MAN2C1: variants seen among roughly 807,000 people sequenced by gnomAD.
The protein encoded by MAN2C1 is alpha-mannosidase 2C1.
Under a neutral mutation model 126.9 loss-of-function variants are expected in MAN2C1, and 111 were observed. The ratio of observed to expected loss-of-function variants is 0.87; its 90% CI spans 0.75 to 1.02. The LOEUF (loss-of-function observed/expected upper bound fraction) is 1.02. MAN2C1 is among the 50% of genes least tolerant of loss of function. The pLI is 0.00. For missense variants in MAN2C1, 1,363 were observed against 1,364.4 expected (o/e 1.00, Z 0.02); for synonymous variants, 567 against 561.5 (o/e 1.01, Z -0.14).
rs756627433 is a variant in MAN2C1, at chr15:75,358,571, C to T, written c.2294G>A (p.Gly765Asp). ...QAGTLAVGTE[G>D]GLRGSAWFLL... is the part of the protein sequence containing the mutation. Reference sequence around the variant, plus strand: ...GAACCAGGCGCTGCCCCGCAGGCCGCCCTCGGTGCCCACTGCCAGGGTCCC... The same window carrying T: ...GAACCAGGCGCTGCCCCGCAGGCCGTCCTCGGTGCCCACTGCCAGGGTCCC... The change falls in exon 20 of 26, where the codon GGC becomes GAC. Residue 765 changes from glycine (G) to aspartate (D), a missense_variant. By Grantham distance (94) the Gly-to-Asp change is moderately conservative. Transcript: ENST00000267978. 6.2e-7 allele frequency: 1 copy of T among 1,613,374 alleles called. No individual in the cohort carries two copies. The highest frequency in any genetic ancestry group is 1.1e-5 in the South Asian group (1 of 91,086).
In MAN2C1 at chr15:75,356,671, T is replaced by G. The variant is rs769434805; in HGVS notation, c.2672A>C (p.Lys891Thr). Residue 891 changes from lysine to threonine, a missense_variant, in exon 23 of 26, where the codon AAA becomes ACA. Lys to Thr is a moderately conservative substitution (Grantham distance 78). Coordinates refer to ENST00000267978, the MANE Select transcript of MAN2C1 (RefSeq NM_006715.4). The surrounding 1 kb of genome is among the most constrained non-coding windows in gnomAD (Gnocchi z 5.8). ...ILSLSLLRAPKAPDATADTGR... is the reference protein window; with the variant it reads ...ILSLSLLRAPTAPDATADTGR... ...CGTGTCAGCAGTAGCGTCCGGGGCTTTAGGCGCCCGCAAGCTGGGGTGAGG... is the reference window on the plus strand; with the variant it reads ...CGTGTCAGCAGTAGCGTCCGGGGCTGTAGGCGCCCGCAAGCTGGGGTGAGG... The G allele has an allele frequency of 1.3e-6, 2 of 1,589,498 alleles. No homozygotes were observed. Among genetic ancestry groups the G allele is most frequent in the African/African-American group, 1.3e-5 (1 of 74,324 alleles).
Position 75,358,506 on chromosome 15 carries a change from C to A in MAN2C1, c.2359G>T (p.Val787Phe). 6.2e-7 allele frequency: 1 copy of A among 1,613,532 alleles called. No homozygotes were observed. Among genetic ancestry groups the A allele is most frequent in the Non-Finnish European group, 8.5e-7 (1 of 1,180,024 alleles). The change falls in exon 20 of 26, where the codon GTT becomes TTT. Residue 787 changes from valine (V) to phenylalanine (F), a missense_variant. Physicochemically the swap from Val to Phe is conservative, Grantham distance 50. Transcript: ENST00000267978. The part of the protein sequence containing the change: ...ISPNSRLSQE[V>F]VLDVGCPYVR... Reference sequence around the variant, plus strand: ...TAGGGGCAGCCAACGTCCAGCACAACCTCCTGGCTAAGCCGACTGTTGGGG... The same window carrying A: ...TAGGGGCAGCCAACGTCCAGCACAAACTCCTGGCTAAGCCGACTGTTGGGG...
chr15:75,364,145 G>C lies in MAN2C1; in HGVS notation c.644C>G (p.Thr215Arg). The C allele has an allele frequency of 6.2e-7, 1 of 1,614,126 alleles. No homozygotes were observed. Among genetic ancestry groups the C allele is most frequent in the East Asian group, 2.2e-5 (1 of 44,884 alleles). Residue 215 changes from threonine to arginine, a missense_variant, in exon 6 of 26, where the codon ACA becomes AGA. Coordinates refer to ENST00000267978, the MANE Select transcript of MAN2C1 (RefSeq NM_006715.4). ...ACACACGTTCACCATCTGATTGGCT[G>C]TGTACAGGGCCTGGAAGCTGCGCTG... ...DNQRSFQALYTANQMVNVCDP... is the reference protein window; with the variant it reads ...DNQRSFQALYRANQMVNVCDP...
intron 5 of MAN2C1, 149 bp from the exon 6 acceptor site, chr15:75,364,337 C>A (rs776953499): frequency 2.0e-5 from 25 of 1,244,960 alleles, no homozygotes; most frequent in Middle Eastern, 2.7e-4. Context: ...TCCCTCCTCC[C>A]CTTCACATAG....
intron 13 of MAN2C1, 50 bp from the exon 14 acceptor site, chr15:75,360,261 G>C: frequency 6.3e-7 from 1 of 1,594,910 alleles, no homozygotes; most frequent in Non-Finnish European, 8.5e-7. Context: ...GCTGTCCCAG[G>C]ACACCTTCCA....
intron 17 of MAN2C1, 74 bp from the exon 18 acceptor site, chr15:75,359,227 G>A: frequency 1.9e-6 from 2 of 1,061,482 alleles, no homozygotes; most frequent in Non-Finnish European, 2.7e-6. Context: ...CCCAACCCCA[G>A]CCCCGCCTCA....
chr15:75,363,237 C>T (rs1245414404), intron 6 of MAN2C1: 2 of 456,318 alleles, frequency 4.4e-6, no homozygotes, highest in Non-Finnish European at 8.8e-6. Flanking sequence ...CAGAGAAAGC[C>T]CTTGTTCTGT....
chr15:75,358,945 T>C, intron 18 of MAN2C1, 114 bp downstream of exon 18: 1 of 1,497,066 alleles, frequency 6.7e-7, no homozygotes. Flanking sequence ...ATGTGTGGGT[T>C]CCAGCCCAGA....
At position 75,356,567 on chromosome 15, in the gene MAN2C1, C is replaced by T. The variant is rs769067638; in HGVS notation, c.2737+39G>A. The T allele has an allele frequency of 6.4e-7, 1 of 1,551,454 alleles. No individual in the cohort carries two copies. The highest frequency in any genetic ancestry group is 8.7e-7 in the Non-Finnish European group (1 of 1,147,286). ...GGCTCAGGGAAGGGCAGAGAGGTGT[C>T]TAGGGCTGCAGGAAGGCCCCACCGT... On this transcript the variant is annotated intron_variant, in intron 23 of 25. Coordinates refer to ENST00000267978, the MANE Select transcript of MAN2C1 (RefSeq NM_006715.4). The surrounding 1 kb of genome is among the most constrained non-coding windows in gnomAD (Gnocchi z 5.8).
intron 1 of MAN2C1, 99 bp downstream of exon 1, chr15:75,368,384 T>C: frequency 1.4e-6 from 2 of 1,417,536 alleles, no homozygotes; most frequent in South Asian, 2.5e-5. Flanking sequence ...GGGCACTTTG[T>C]CCCGCGGCCC....
At chr15:75,364,241 T>C (rs2072532536) in intron 5 of MAN2C1, 53 bp from the exon 6 acceptor site, 1 of 1,534,180 alleles carries the variant, frequency 6.5e-7, no homozygotes, top group African/African-American at 1.4e-5. Flanking sequence ...CTTCCAGACC[T>C]AGGCTCCACT....
Position 75,364,113 on chromosome 15 carries a change from C to T in MAN2C1, c.676G>A (p.Ala226Thr). 1 of 1,614,202 alleles carries T rather than the reference C, an allele frequency of 6.2e-7. No homozygotes were observed. The highest frequency in any genetic ancestry group is 1.1e-5 in the South Asian group (1 of 91,090). The change falls in exon 6 of 26, where the codon GCC becomes ACC. Residue 226 changes from alanine (A) to threonine (T), a missense_variant. Coordinates refer to ENST00000267978, the MANE Select transcript of MAN2C1 (RefSeq NM_006715.4). ...ANQMVNVCDP[A>T]QPETFPVAQA... ...GCCACTGGGAAGGTCTCGGGCTGGGCAGGGTCACACACGTTCACCATCTGA... is the reference window on the plus strand; with the variant it reads ...GCCACTGGGAAGGTCTCGGGCTGGGTAGGGTCACACACGTTCACCATCTGA...
intron 4 of MAN2C1, chr15:75,366,107 T>C (rs2072570317): frequency 3.2e-6 from 1 of 317,334 alleles, no homozygotes; most frequent in South Asian, 2.5e-5. Flanking sequence ...ACATGAATGC[T>C]GAGATGTTAA....
intron 2 of MAN2C1, 141 bp downstream of exon 2, chr15:75,367,932 G>T: frequency 8.7e-7 from 1 of 1,154,484 alleles, no homozygotes; most frequent in South Asian, 1.6e-5. Flanking sequence ...TCCCAGCAGA[G>T]GGTGCTGCTC....
At chr15:75,368,345 TC>T (rs1189413396) in intron 1 of MAN2C1, 137 bp downstream of exon 1, 1 of 1,395,020 alleles carries the variant, frequency 7.2e-7, no homozygotes, top group Non-Finnish European at 9.7e-7. Flanking sequence ...CCCTACCCCC[TC>T]CTCCCCGGCC....
intron 5 of MAN2C1, 145 bp downstream of exon 5, chr15:75,364,343 C>T (rs1235323307): frequency 1.7e-5 from 21 of 1,256,716 alleles, no homozygotes; most frequent in Admixed American, 5.7e-5. Context: ...CTCCCCTTCA[C>T]ATAGGAAAAT....
At chr15:75,365,302 T>A (rs963001127) in intron 4 of MAN2C1, among the ~76,000 whole-genome samples, 2 of 1,516 alleles carry the variant, frequency 1.3e-3, no homozygotes, top group Non-Finnish European at 9.9e-3. Flanking sequence ...TCTGAAAGCA[T>A]CTGAAACAGT....
intron 2 of MAN2C1, 35 bp from the exon 3 acceptor site, chr15:75,367,669 G>C (rs1555438338): frequency 6.8e-6 from 11 of 1,613,152 alleles, no homozygotes; most frequent in Non-Finnish European, 9.3e-6. Flanking sequence ...CCTAGAGGTA[G>C]AAGTCCTATC....
chr15:75,366,163 A>T (rs1274504358), intron 4 of MAN2C1, among the ~76,000 whole-genome samples: 1 of 152,212 alleles, frequency 6.6e-6, no homozygotes, highest in Non-Finnish European at 1.5e-5. Context: ...GTAGTTATTT[A>T]CTTCTTTGTG....
Sources: allele counts gnomAD v4.1 joint callset (sites outside exome capture counted in the v4.1 genomes callset), GRCh38; gene constraint gnomAD v4.1.1; non-coding constraint Gnocchi (gnomAD v3.1); transcripts MANE v1.5; gene names NCBI Gene and HGNC (gene_info 2026-07-23, HGNC 2026-07-21).